The following NPFFR2 variants were observed in gnomAD, a reference collection of about 807,000 sequenced individuals.
NPFFR2 encodes neuropeptide FF receptor 2, also known as G-protein coupled receptor 74.
In NPFFR2, 15 loss-of-function variants were observed where a neutral mutation model predicts 13.1. That is an observed-to-expected ratio of 1.15 (90% CI 0.77 to 1.76). The LOEUF (loss-of-function observed/expected upper bound fraction) is 1.76, where lower values mean the gene tolerates loss of function less well. Ranked by LOEUF, NPFFR2 falls within the 40% of genes most tolerant of loss-of-function variation. The pLI is 0.00. For synonymous variants in NPFFR2, 190 were observed against 175.7 expected, an observed-to-expected ratio of 1.08 and a Z score of -0.65; for missense variants, 572 against 503.5, an observed-to-expected ratio of 1.14 and a Z score of -1.30.
chr4:72,063,372 C>T (rs533427663), intron 1 of NPFFR2, among the ~76,000 whole-genome samples: 26 of 152,264 alleles, frequency 1.7e-4, no homozygotes, highest in Non-Finnish European at 2.6e-4. Flanking sequence ...TTGCTGCCTA[C>T]GTCGAAGCAA....
chr4:72,116,991 G>A (rs1721731748), intron 1 of NPFFR2, among the ~76,000 whole-genome samples: 1 of 152,074 alleles, frequency 6.6e-6, no homozygotes, highest in Admixed American at 6.6e-5. Context: ...GTTCCAGGAT[G>A]GGGTCAAGAC....
intron 1 of NPFFR2, among the ~76,000 whole-genome samples, chr4:72,082,914 T>A (rs1458578515): frequency 2.6e-5 from 4 of 152,186 alleles, no homozygotes; most frequent in Admixed American, 1.3e-4. Flanking sequence ...ATGCAGCACA[T>A]TTCTTTCTGT....
intron 1 of NPFFR2, among the ~76,000 whole-genome samples, chr4:72,064,819 T>C (rs1410975588): frequency 2.0e-5 from 3 of 152,162 alleles, no homozygotes; most frequent in Non-Finnish European, 4.4e-5. Context: ...GATACATTGA[T>C]CCCTGTGAGT....
At chr4:72,054,647 A>G (rs1489220090) in intron 1 of NPFFR2, among the ~76,000 whole-genome samples, 1 of 151,928 alleles carries the variant, frequency 6.6e-6, no homozygotes, top group Admixed American at 6.6e-5. Context: ...TCAAAACTTA[A>G]AGAAACAATT....
intron 1 of NPFFR2, among the ~76,000 whole-genome samples, chr4:72,076,241 T>C (rs1383872840): frequency 1.1e-5 from 1 of 92,400 alleles, no homozygotes; most frequent in African/African-American, 3.5e-5. Context: ...AAAATGACCT[T>C]ATTTGCTCTA....
At chr4:72,141,155 C>G (rs1425271539) in intron 3 of NPFFR2, among the ~76,000 whole-genome samples, 1 of 151,088 alleles carries the variant, frequency 6.6e-6, no homozygotes, top group Non-Finnish European at 1.5e-5. Context: ...CTCTTTTCTC[C>G]TTTATTAGTG....
chr4:72,060,034 T>C (rs1719876169), intron 1 of NPFFR2, among the ~76,000 whole-genome samples: 1 of 152,128 alleles, frequency 6.6e-6, no homozygotes, highest in Non-Finnish European at 1.5e-5. Flanking sequence ...CTTTCTCAAG[T>C]AGATCCAGCT....
At chr4:72,129,231 G>A (rs911023562) in intron 2 of NPFFR2, among the ~76,000 whole-genome samples, 4 of 152,082 alleles carry the variant, frequency 2.6e-5, no homozygotes, top group African/African-American at 9.7e-5. Context: ...ATGTGTAGGG[G>A]TGGGTTGCCC....
intron 1 of NPFFR2, among the ~76,000 whole-genome samples, chr4:72,127,443 A>T (rs1220602891): frequency 3.5e-5 from 4 of 114,746 alleles, no homozygotes; most frequent in Non-Finnish European, 6.7e-5. Context: ...GGCTCACTGC[A>T]AGCTCCGCCT....
chr4:72,046,388 T>C (rs897512105), intron 1 of NPFFR2, among the ~76,000 whole-genome samples: 2 of 152,174 alleles, frequency 1.3e-5, no homozygotes, highest in Non-Finnish European at 2.9e-5. Context: ...AGGAGTGGGC[T>C]CCTGATAAAA....
intron 1 of NPFFR2, among the ~76,000 whole-genome samples, chr4:72,089,062 T>C (rs976847302): frequency 6.6e-5 from 10 of 152,116 alleles, no homozygotes; most frequent in Admixed American, 2.0e-4. Flanking sequence ...CTCCCACTTA[T>C]GAGTGAGAAC....
intron 1 of NPFFR2, among the ~76,000 whole-genome samples, chr4:72,109,033 G>A (rs1721492879): frequency 6.6e-6 from 1 of 151,996 alleles, no homozygotes; most frequent in Admixed American, 6.6e-5. Context: ...AGCTATGATA[G>A]AGAGATTGAT....
chr4:72,059,459 C>T (rs966454548), intron 1 of NPFFR2, among the ~76,000 whole-genome samples: 2 of 152,024 alleles, frequency 1.3e-5, no homozygotes, highest in Non-Finnish European at 1.5e-5. Flanking sequence ...TGCAGTAAGT[C>T]CCTGTCATTT....
intron 1 of NPFFR2, among the ~76,000 whole-genome samples, chr4:72,096,783 A>G (rs560980427): frequency 7.9e-5 from 12 of 152,220 alleles, no homozygotes; most frequent in Admixed American, 5.9e-4. Flanking sequence ...TCCTTGACTT[A>G]CAATGGAGTT....
chr4:72,066,663 A>C (rs575446878), intron 1 of NPFFR2, among the ~76,000 whole-genome samples: 58 of 152,306 alleles, frequency 3.8e-4, no homozygotes, highest in African/African-American at 1.1e-3. Context: ...ACAGGAAAGA[A>C]GAATGAGGTA....
At chr4:72,035,503 C>A (rs971967891) in intron 1 of NPFFR2, among the ~76,000 whole-genome samples, 4 of 152,098 alleles carry the variant, frequency 2.6e-5, no homozygotes, top group South Asian at 2.1e-4. Context: ...TTTAGCCCCC[C>A]CTAAAAAAGT....
At chr4:72,065,247 T>C (rs1452523968) in intron 1 of NPFFR2, among the ~76,000 whole-genome samples, 1 of 152,116 alleles carries the variant, frequency 6.6e-6, no homozygotes, top group Non-Finnish European at 1.5e-5. Context: ...GACATTAACA[T>C]TGAGAACTGA....
chr4:72,068,729 G>A (rs1263623356), intron 1 of NPFFR2, among the ~76,000 whole-genome samples: 1 of 152,122 alleles, frequency 6.6e-6, no homozygotes, highest in Non-Finnish European at 1.5e-5. Context: ...AAAATTGGAA[G>A]GGGATTAGCA....
At position 72,128,692 on chromosome 4, in the gene NPFFR2, A is replaced by C. The variant is rs200033565; in HGVS notation, c.101A>C (p.Tyr34Ser). 6.2e-7 allele frequency: 1 copy of C among 1,613,574 alleles called. No homozygotes were observed. The highest frequency in any genetic ancestry group is 8.5e-7 in the Non-Finnish European group (1 of 1,179,476). Reference sequence around the variant, plus strand: ...CTGTACTCAGATATTAATATTACCTATGTGAACTACTATCTTCACCAGCCT... The same window carrying C: ...CTGTACTCAGATATTAATATTACCTCTGTGAACTACTATCTTCACCAGCCT... ...HHLYSDINIT[Y>S]VNYYLHQPQV... The change falls in exon 2 of 4, where the codon TAT becomes TCT. Residue 34 changes from tyrosine (Y) to serine (S), a missense_variant. Transcript: ENST00000308744.
Sources: gnomAD v4.1 joint callset for allele counts (sites outside exome capture counted in the v4.1 genomes callset) on GRCh38, gnomAD v4.1.1 for gene constraint, MANE v1.5 for transcripts, NCBI Gene and HGNC (gene_info 2026-07-23, HGNC 2026-07-21) for gene names.